The following EPS15 variants were observed in gnomAD, a reference collection of about 807,000 sequenced individuals.
The protein encoded by EPS15 is epidermal growth factor receptor pathway substrate 15, also known as epidermal growth factor receptor substrate 15.
A neutral mutation model predicts 113.8 loss-of-function variants in EPS15; 72 were observed. That is an observed-to-expected ratio of 0.63 (90% CI 0.52 to 0.77). The LOEUF is 0.77. Ranked by LOEUF, EPS15 falls within the 30% of genes least tolerant of loss-of-function variation. The pLI, the probability that EPS15 is intolerant of heterozygous loss-of-function variation, is 0.00. For missense variants in EPS15, 1,048 were observed against 1,045.8 expected (o/e 1.00, Z -0.03); for synonymous variants, 344 against 363.4 (o/e 0.95, Z 0.61).
chr1:51,357,896 C>A (rs1028174968), intron 24 of EPS15, among the ~76,000 whole-genome samples: 1 of 151,968 alleles, frequency 6.6e-6, no homozygotes, highest in African/African-American at 2.4e-5. Context: ...TGCACCACCA[C>A]GCCCGGCTAA....
At chr1:51,471,506 C>A (rs1570376608) in intron 4 of EPS15, among the ~76,000 whole-genome samples, 184 bp downstream of exon 4, 1 of 152,204 alleles carries the variant, frequency 6.6e-6, no homozygotes, top group East Asian at 1.9e-4. Flanking sequence ...ACCAAACTCA[C>A]ACTAACTGTT....
At chr1:51,386,474 C>A (rs1647077106) in intron 21 of EPS15, among the ~76,000 whole-genome samples, 1 of 152,144 alleles carries the variant, frequency 6.6e-6, no homozygotes, top group Non-Finnish European at 1.5e-5. Context: ...TCAAGAAAAT[C>A]CGCTGTTCTG....
At chr1:51,481,445 T>C in intron 1 of EPS15, 131 bp from the exon 2 acceptor site, 1 of 607,768 alleles carries the variant, frequency 1.6e-6, no homozygotes, top group East Asian at 3.1e-5. Flanking sequence ...AGGGGTTAGA[T>C]TTTGTTTCTT....
At position 51,355,680 on chromosome 1, in the gene EPS15, A is replaced by C; in HGVS notation, c.*1020T>G. The C allele has an allele frequency of 5.3e-6, 1 of 189,948 alleles. No homozygotes were observed. 11.8% of individuals were successfully genotyped at this position (189,948 alleles called of 1,614,324 possible). ...CACTTTTTCTATTTGTATTCAGTGAAAGTTTTTACATTTCAAGTAAATGAG... is the reference window on the plus strand; with the variant it reads ...CACTTTTTCTATTTGTATTCAGTGACAGTTTTTACATTTCAAGTAAATGAG... On this transcript the variant is annotated 3_prime_UTR_variant, in exon 25 of 25. Coordinates refer to ENST00000371733, the MANE Select transcript of EPS15 (RefSeq NM_001981.3).
At chr1:51,400,193 T>A (rs2148415039) in intron 19 of EPS15, among the ~76,000 whole-genome samples, 1 of 152,246 alleles carries the variant, frequency 6.6e-6, no homozygotes, top group African/African-American at 2.4e-5. Flanking sequence ...AGAAAAAGAA[T>A]ATCTCAAAAA....
At chr1:51,400,250 C>T (rs930091167) in intron 19 of EPS15, among the ~76,000 whole-genome samples, 1 of 152,166 alleles carries the variant, frequency 6.6e-6, no homozygotes, top group Non-Finnish European at 1.5e-5. Context: ...TCTAATCACA[C>T]GTGTGGGCTA....
At chr1:51,377,822 G>GC (rs1646836886) in intron 21 of EPS15, among the ~76,000 whole-genome samples, 1 of 151,630 alleles carries the variant, frequency 6.6e-6, no homozygotes, top group Non-Finnish European at 1.5e-5. Context: ...TCAGTCGGCA[G>GC]CCACCAATAT....
chr1:51,448,462 A>C (rs1653254939), intron 8 of EPS15, among the ~76,000 whole-genome samples: 4 of 152,138 alleles, frequency 2.6e-5, no homozygotes, highest in Admixed American at 2.6e-4. Context: ...TAATATATAG[A>C]GCTCCTAAAA....
intron 1 of EPS15, among the ~76,000 whole-genome samples, chr1:51,516,783 G>C (rs984191891): frequency 1.3e-5 from 2 of 152,140 alleles, no homozygotes; most frequent in African/African-American, 2.4e-5. Flanking sequence ...AAATTAACTT[G>C]AGCATGTTTA....
intron 21 of EPS15, among the ~76,000 whole-genome samples, chr1:51,384,298 C>CTTT (rs67265512): frequency 9.3e-4 from 93 of 99,478 alleles, no homozygotes; most frequent in African/African-American, 2.4e-3. Flanking sequence ...TTCTTTCTTT[C>CTTT]TTTTTTTTTT....
intron 21 of EPS15, among the ~76,000 whole-genome samples, chr1:51,377,720 C>G (rs972451804): frequency 1.3e-5 from 2 of 152,010 alleles, no homozygotes; most frequent in South Asian, 4.1e-4. Flanking sequence ...AGAAATCGTA[C>G]AGGAAAGGAA....
intron 21 of EPS15, among the ~76,000 whole-genome samples, chr1:51,384,290 C>CT (rs1557785332): frequency 8.0e-6 from 1 of 124,854 alleles, no homozygotes; most frequent in Non-Finnish European, 1.6e-5. Context: ...TTTTCTTTTT[C>CT]TTTCTTTCTT....
rs529392305 is a variant in EPS15, at chr1:51,502,743, G to A, written c.33+16456C>T. Among the ~76,000 whole-genome samples, 5 of 152,164 alleles carry A rather than the reference G, an allele frequency of 3.3e-5. No homozygotes were observed. The South Asian group carries it at 8.3e-4, about 25-fold the overall frequency. ...TTCCAGGCTGGGCACGGTGGCTCAC[G>A]CCTGTAATCACAGCACTTTGGGAGG... On this transcript the variant is annotated intron_variant, in intron 1 of 24. Transcript: ENST00000371733.
chr1:51,446,845 T>TA (rs1311198248), intron 10 of EPS15, 115 bp downstream of exon 10: 23 of 826,508 alleles, frequency 2.8e-5, no homozygotes, highest in Non-Finnish European at 3.7e-5. Flanking sequence ...ATTTTCTCTA[T>TA]AAAAAATTCT....
At chr1:51,508,368 G>GAAAGAA (rs1553139641) in intron 1 of EPS15, among the ~76,000 whole-genome samples, 1 of 150,266 alleles carries the variant, frequency 6.7e-6, no homozygotes, top group Non-Finnish European at 1.5e-5. Context: ...AAGAAAGAAA[G>GAAAGAA]AAAGAAAGAA....
At chr1:51,450,961 AT>A in intron 8 of EPS15, among the ~76,000 whole-genome samples, 1 of 151,908 alleles carries the variant, frequency 6.6e-6, no homozygotes, top group Admixed American at 6.5e-5. Context: ...GCCTTCAGGC[AT>A]ATAATTGCCA....
At chr1:51,460,781 C>T (rs913433546) in intron 8 of EPS15, among the ~76,000 whole-genome samples, 5 of 151,976 alleles carry the variant, frequency 3.3e-5, no homozygotes, top group Non-Finnish European at 5.9e-5. Flanking sequence ...CGGCAAAACC[C>T]CATCTCTTCA....
At chr1:51,479,810 T>C (rs1643986986) in intron 2 of EPS15, among the ~76,000 whole-genome samples, 1 of 152,194 alleles carries the variant, frequency 6.6e-6, no homozygotes. Context: ...TGACTTTATG[T>C]GGCACGAACA....
At chr1:51,504,884 G>T (rs772950871) in intron 1 of EPS15, among the ~76,000 whole-genome samples, 5 of 152,302 alleles carry the variant, frequency 3.3e-5, no homozygotes, top group Non-Finnish European at 5.9e-5. Flanking sequence ...GCTTTGGGCG[G>T]CCGAAGCGGG....
Sources: allele counts gnomAD v4.1 joint callset (sites outside exome capture counted in the v4.1 genomes callset), GRCh38; gene constraint gnomAD v4.1.1; transcripts MANE v1.5; gene names NCBI Gene and HGNC (gene_info 2026-07-23, HGNC 2026-07-21).